CENPP: variants seen among roughly 807,000 people sequenced by gnomAD.
CENPP encodes the protein centromere protein P.
In CENPP, 24 loss-of-function variants were observed where a neutral mutation model predicts 35.6. The ratio of observed to expected loss-of-function variants is 0.67; its 90% CI spans 0.49 to 0.95. The LOEUF (loss-of-function observed/expected upper bound fraction) is 0.95. Ranked by LOEUF, CENPP falls within the 40% of genes least tolerant of loss-of-function variation. The pLI is 0.00. For missense variants in CENPP, 332 were observed against 345.3 expected (o/e 0.96, Z 0.31); for synonymous variants, 120 against 125.5 (o/e 0.96, Z 0.29).
intron 5 of CENPP, among the ~76,000 whole-genome samples, chr9:92,584,920 C>A (rs1372609953): frequency 1.3e-5 from 2 of 152,170 alleles, no homozygotes; most frequent in Non-Finnish European, 2.9e-5. Flanking sequence ...TGTCAAGCAC[C>A]TATTATGCAC....
intron 5 of CENPP, chr9:92,474,511 A>T (rs1201714346): frequency 1.4e-6 from 2 of 1,431,340 alleles, no homozygotes; most frequent in African/African-American, 2.9e-5. Flanking sequence ...ACTTAAATGA[A>T]AAAAACTTAT....
intron 5 of CENPP, among the ~76,000 whole-genome samples, chr9:92,567,448 TCAAA>T (rs1159820480): frequency 2.1e-5 from 3 of 145,552 alleles, no homozygotes; most frequent in African/African-American, 4.9e-5. Flanking sequence ...ATCCATCATC[TCAAA>T]CATTTATCAT....
rs951213986 is a variant in CENPP at position 92,341,434 on chromosome 9, C to T, written c.378+3805C>T. On this transcript the variant is annotated intron_variant, in intron 3 of 7. Transcript: ENST00000375587. Reference sequence around the variant, plus strand: ...GGTTTTTGTGGCTCGTGGGGCATCACGGATCCTACCAACGTGTGATGTCTC... The same window carrying T: ...GGTTTTTGTGGCTCGTGGGGCATCATGGATCCTACCAACGTGTGATGTCTC... Among the ~76,000 whole-genome samples, 12 of 152,316 alleles carry T rather than the reference C, an allele frequency of 7.9e-5. No individual in the cohort carries two copies. The South Asian group carries it at 2.1e-3, about 26-fold the overall frequency.
chr9:92,469,194 A>G (rs1367990776), intron 5 of CENPP, among the ~76,000 whole-genome samples: 2 of 152,032 alleles, frequency 1.3e-5, no homozygotes, highest in African/African-American at 2.4e-5. Flanking sequence ...TGACTGTCTT[A>G]ATGTTTTAGT....
At chr9:92,416,506 T>G (rs1843616928) in intron 5 of CENPP, 1 of 695,956 alleles carries the variant, frequency 1.4e-6, no homozygotes, top group Non-Finnish European at 2.3e-6. Flanking sequence ...TTAAGCAACT[T>G]CAAAACAACT....
At chr9:92,498,982 G>GA (rs1322849111) in intron 5 of CENPP, among the ~76,000 whole-genome samples, 2 of 152,182 alleles carry the variant, frequency 1.3e-5, no homozygotes, top group Non-Finnish European at 2.9e-5. Flanking sequence ...CAACACAATT[G>GA]AAAGGACCAC....
At chr9:92,424,501 T>TG (rs1843907077) in intron 5 of CENPP, 1 of 152,214 alleles carries the variant, frequency 6.6e-6, no homozygotes, top group South Asian at 2.1e-4. Context: ...CCCTTAATTT[T>TG]GGTTTGAGGT....
At chr9:92,388,693 G>A (rs1325805424) in intron 5 of CENPP, among the ~76,000 whole-genome samples, 1 of 151,824 alleles carries the variant, frequency 6.6e-6, no homozygotes, top group Admixed American at 6.6e-5. Context: ...TTAGCCGGGC[G>A]TGGTGGTGTG....
In CENPP at chr9:92,615,590, G is replaced by A. The variant is rs118177985; in HGVS notation, c.*2441G>A. The A allele has an allele frequency of 2.3e-3, 1,110 of 489,972 alleles. 8 individuals are homozygous for A. Among genetic ancestry groups the A allele is most frequent in the Non-Finnish European group, 2.5e-3 (670 of 269,954 alleles). The allele number at this position is 489,972 out of a possible 1,614,324, so 30.4% of individuals were successfully genotyped here. A position where few individuals can be genotyped will look rare whatever the true frequency, so the allele number is the denominator to read the frequency against. On this transcript the variant is annotated 3_prime_UTR_variant, in exon 8 of 8. Coordinates refer to ENST00000375587, the MANE Select transcript of CENPP (RefSeq NM_001012267.3). ...CCAGAACGTCTTCCCAGGGCTTAACGGACACTTCCATTTTAAGAGTGTGAG... is the reference window on the plus strand; with the variant it reads ...CCAGAACGTCTTCCCAGGGCTTAACAGACACTTCCATTTTAAGAGTGTGAG...
chr9:92,585,747 G>C (rs547438604), intron 5 of CENPP, among the ~76,000 whole-genome samples: 1 of 152,288 alleles, frequency 6.6e-6, no homozygotes, highest in South Asian at 2.1e-4. Flanking sequence ...CTGGGCAAGT[G>C]CTTGGTGAGG....
chr9:92,508,686 C>T (rs1234875078), intron 5 of CENPP, among the ~76,000 whole-genome samples: 5 of 152,128 alleles, frequency 3.3e-5, no homozygotes, highest in African/African-American at 1.2e-4. Context: ...GTCCTGAAAT[C>T]CATCTGGAAA....
chr9:92,381,430 A>G (rs7042199), intron 5 of CENPP, among the ~76,000 whole-genome samples: 135,525 of 151,972 alleles, frequency 0.89, 60,588 homozygotes, highest in East Asian at 0.95. Flanking sequence ...GACTACAGGC[A>G]CACGCCACCA....
At position 92,617,877 on chromosome 9, in the gene CENPP, C is replaced by T. The variant is rs1851493522; in HGVS notation, c.*4728C>T. 4.7e-6 allele frequency: 1 copy of T among 212,372 alleles called. No individual in the cohort carries two copies. The highest frequency in any genetic ancestry group is 9.6e-6 in the Non-Finnish European group (1 of 104,366). The allele number at this position is 212,372 out of a possible 1,614,324, so 13.2% of individuals were successfully genotyped here. On this transcript the variant is annotated 3_prime_UTR_variant, in exon 8 of 8. Transcript: ENST00000375587. ...AGGCAGATCCAACTTGAGACATTTT[C>T]CTTTATGACAGGGCAGAAACAGTAG...
chr9:92,547,214 C>T (rs1358413989), intron 5 of CENPP, among the ~76,000 whole-genome samples: 3 of 152,084 alleles, frequency 2.0e-5, no homozygotes, highest in Non-Finnish European at 4.4e-5. Flanking sequence ...ATAAAGAAAG[C>T]AAATGTTTAC....
chr9:92,353,745 C>T (rs187313503), intron 4 of CENPP, among the ~76,000 whole-genome samples: 9 of 152,214 alleles, frequency 5.9e-5, no homozygotes, highest in African/African-American at 2.2e-4. Context: ...AATGTAATGT[C>T]GCAGGAACAG....
At position 92,619,603 on chromosome 9, in the gene CENPP, GAAGCCT is replaced by G; in HGVS notation, c.*6455_*6460del. ...GAAAGATCAGCTCCAGGTCACACAG[GAAGCCT>G]CTGCCCCCCCACACAACCTTCCTTC... is the stretch of plus-strand genomic sequence containing the variant. On this transcript the variant is annotated 3_prime_UTR_variant, in exon 8 of 8. Transcript: ENST00000375587. 2 of 1,525,874 alleles carry G rather than the reference GAAGCCT, an allele frequency of 1.3e-6. No homozygotes were observed. The highest frequency in any genetic ancestry group is 1.8e-6 in the Non-Finnish European group (2 of 1,122,658). 94.5% of individuals were successfully genotyped at this position (1,525,874 alleles called of 1,614,324 possible).
At chr9:92,500,292 C>T (rs374095013) in intron 5 of CENPP, among the ~76,000 whole-genome samples, 2 of 152,152 alleles carry the variant, frequency 1.3e-5, no homozygotes, top group Non-Finnish European at 2.9e-5. Context: ...AAACAATTCT[C>T]CCACCTCAGC....
At chr9:92,344,906 C>T (rs1284467040) in intron 3 of CENPP, among the ~76,000 whole-genome samples, 5 of 151,240 alleles carry the variant, frequency 3.3e-5, no homozygotes, top group South Asian at 2.1e-4. Flanking sequence ...CGGTGGCTCC[C>T]GCCTGTAATC....
Position 92,618,386 on chromosome 9 carries a change from T to C in CENPP, c.*5237T>C, listed in dbSNP as rs952269766. On this transcript the variant is annotated 3_prime_UTR_variant, in exon 8 of 8. Transcript: ENST00000375587. ...TTTCCCCGCATGCTGGCTTTCCAAT[T>C]TGACATCACTGACCAGGCACTAAGA... 2 of 456,680 alleles carry C rather than the reference T, an allele frequency of 4.4e-6. No individual in the cohort carries two copies. Among genetic ancestry groups the C allele is most frequent in the Non-Finnish European group, 8.8e-6 (2 of 226,956 alleles). The allele number at this position is 456,680 out of a possible 1,614,324, so 28.3% of individuals were successfully genotyped here. A position where few individuals can be genotyped will look rare whatever the true frequency, so the allele number is the denominator to read the frequency against.
Sources: allele counts gnomAD v4.1 joint callset (sites outside exome capture counted in the v4.1 genomes callset), GRCh38; gene constraint gnomAD v4.1.1; transcripts MANE v1.5; gene names NCBI Gene and HGNC (gene_info 2026-07-23, HGNC 2026-07-21).